The following TAPT1 variants were observed in gnomAD, a reference collection of about 807,000 sequenced individuals.
TAPT1 encodes transmembrane anterior posterior transformation protein 1 homolog.
Under a neutral mutation model 65.6 loss-of-function variants are expected in TAPT1, and 28 were observed. The observed-to-expected ratio is 0.43, with a 90% CI of 0.32 to 0.59. The LOEUF is 0.59. Among genes scored for constraint, TAPT1 ranks in the 20% least tolerant of loss-of-function variants. TAPT1 has a pLI of 0.09. For missense variants in TAPT1, 563 were observed against 679.9 expected (o/e 0.83, Z 1.91); for synonymous variants, 278 against 245.2 (o/e 1.13, Z -1.25).
At chr4:16,180,492 G>A (rs889096528) in intron 7 of TAPT1, among the ~76,000 whole-genome samples, 4 of 152,106 alleles carry the variant, frequency 2.6e-5, no homozygotes, top group African/African-American at 9.7e-5. Flanking sequence ...CTTTTTTACA[G>A]TCTGCTGTCA....
intron 2 of TAPT1, among the ~76,000 whole-genome samples, chr4:16,204,924 T>C (rs1251183196): frequency 6.6e-6 from 1 of 152,256 alleles, no homozygotes; most frequent in East Asian, 1.9e-4. Flanking sequence ...ACTTTAATGC[T>C]AAGGAAATTA....
At chr4:16,190,287 A>G (rs1578442559) in intron 4 of TAPT1, 1 of 152,102 alleles carries the variant, frequency 6.6e-6, no homozygotes, top group Non-Finnish European at 1.5e-5. Flanking sequence ...AGAAAGATAA[A>G]TAGACCTTAT....
Position 16,213,784 on chromosome 4 carries a change from G to A in TAPT1, c.314C>T (p.Pro105Leu). The change falls in exon 2 of 14, where the codon CCA becomes CTA. Residue 105 changes from proline (P) to leucine (L), a missense_variant. Physicochemically the swap from Pro to Leu is moderately conservative, Grantham distance 98. Coordinates refer to ENST00000405303, the MANE Select transcript of TAPT1 (RefSeq NM_153365.3). ...AAATAGTACCTTTTCCAATTCTCTTGGTATTCGCAAACAAGTGTATACTCT... is the reference window on the plus strand; with the variant it reads ...AAATAGTACCTTTTCCAATTCTCTTAGTATTCGCAAACAAGTGTATACTCT... The part of the protein sequence containing the change: ...RERVYTCLRI[P>L]RELEKLMVFG... 6.4e-7 allele frequency: 1 copy of A among 1,566,332 alleles called. No individual in the cohort carries two copies. The highest frequency in any genetic ancestry group is 8.6e-7 in the Non-Finnish European group (1 of 1,164,812).
chr4:16,183,165 G>A (rs115286210), intron 7 of TAPT1: 2 of 152,086 alleles, frequency 1.3e-5, no homozygotes, highest in African/African-American at 2.4e-5. Context: ...ATAGCTGAAC[G>A]TTGCCTAGAA....
At chr4:16,188,873 T>C (rs1749182431) in intron 4 of TAPT1, among the ~76,000 whole-genome samples, 3 of 150,930 alleles carry the variant, frequency 2.0e-5, no homozygotes, top group Admixed American at 2.0e-4. Context: ...TGAGCCGAGA[T>C]TGCGCCACTA....
chr4:16,193,612 T>G (rs1177369057), intron 3 of TAPT1, among the ~76,000 whole-genome samples: 4 of 152,210 alleles, frequency 2.6e-5, no homozygotes, highest in African/African-American at 7.2e-5. Context: ...CTATTATATC[T>G]GCCAAGAATT....
At chr4:16,183,967 C>T (rs181918168) in intron 7 of TAPT1, among the ~76,000 whole-genome samples, 1 of 152,260 alleles carries the variant, frequency 6.6e-6, no homozygotes, top group African/African-American at 2.4e-5. Context: ...TTGTTCCTTG[C>T]TTAGTTTTCA....
rs1751522373 is a variant in TAPT1 at position 16,225,934 on chromosome 4, TG to T, written c.199+324del. 8 of 989,186 alleles carry T rather than the reference TG, an allele frequency of 8.1e-6. No individual in the cohort carries two copies. In the Admixed American group the frequency reaches 4.9e-4, roughly 60 times the overall value. The allele number at this position is 989,186 out of a possible 1,614,324, so 61.3% of individuals were successfully genotyped here. On this transcript the variant is annotated intron_variant, in intron 1 of 13. Transcript: ENST00000405303. ...CTTCTCACGTTTGGGCTCCGAGACG[TG>T]GGAGATGCCCGCTAACCTAAGACCT...
intron 1 of TAPT1, among the ~76,000 whole-genome samples, chr4:16,220,525 T>G (rs562593340): frequency 2.2e-4 from 34 of 152,150 alleles, no homozygotes; most frequent in African/African-American, 7.5e-4. Context: ...CCAAGGCGGG[T>G]GGATCCCAAT....
chr4:16,214,135 C>A (rs948077645), intron 1 of TAPT1, among the ~76,000 whole-genome samples: 1 of 152,114 alleles, frequency 6.6e-6, no homozygotes, highest in African/African-American at 2.4e-5. Flanking sequence ...TTATTAAGGG[C>A]TAGAATAGTC....
chr4:16,185,557 C>T (rs996587545), intron 7 of TAPT1, among the ~76,000 whole-genome samples: 5 of 151,976 alleles, frequency 3.3e-5, no homozygotes, highest in Non-Finnish European at 7.4e-5. Flanking sequence ...TTAGTAGAGA[C>T]GGGGTTTTAC....
chr4:16,210,971 T>C (rs1051333712), intron 2 of TAPT1, among the ~76,000 whole-genome samples: 2 of 151,862 alleles, frequency 1.3e-5, no homozygotes, highest in Admixed American at 6.6e-5. Context: ...GTAAAATATA[T>C]AAGCAATTCA....
At chr4:16,186,912 C>T (rs757187031) in intron 5 of TAPT1, 34 bp from the exon 6 acceptor site, 16 of 1,302,196 alleles carry the variant, frequency 1.2e-5, no homozygotes, top group Non-Finnish European at 1.7e-5. Context: ...CTTAAATTTG[C>T]TTTCATATTA....
intron 4 of TAPT1, among the ~76,000 whole-genome samples, chr4:16,188,828 G>A (rs1368529391): frequency 6.6e-6 from 1 of 151,948 alleles, no homozygotes; most frequent in Non-Finnish European, 1.5e-5. Context: ...GCTGAGGCAG[G>A]AGAATGACGT....
At chr4:16,178,940 G>A (rs1456059988) in intron 8 of TAPT1, 2 of 152,128 alleles carry the variant, frequency 1.3e-5, no homozygotes, top group African/African-American at 4.8e-5. Context: ...GTTAAAAACC[G>A]AAAGGCTCAG....
intron 3 of TAPT1, among the ~76,000 whole-genome samples, chr4:16,199,755 C>T (rs1330633573): frequency 1.3e-5 from 2 of 152,198 alleles, no homozygotes; most frequent in South Asian, 4.2e-4. Flanking sequence ...CCACAACTGG[C>T]TAATTTTTTA....
intron 3 of TAPT1, among the ~76,000 whole-genome samples, chr4:16,195,989 G>T (rs1363748839): frequency 1.3e-5 from 2 of 152,162 alleles, no homozygotes; most frequent in Non-Finnish European, 2.9e-5. Context: ...ACATAGACTA[G>T]ATCTCTCGCT....
In TAPT1 at chr4:16,213,790, C is replaced by T. The variant is rs372007118; in HGVS notation, c.308G>A (p.Arg103Gln). Residue 103 changes from arginine to glutamine, a missense_variant, in exon 2 of 14, where the codon CGA becomes CAA. Arg to Gln is a conservative substitution (Grantham distance 43). Coordinates refer to ENST00000405303, the MANE Select transcript of TAPT1 (RefSeq NM_153365.3). ...TACCTTTTCCAATTCTCTTGGTATT[C>T]GCAAACAAGTGTATACTCTTTCTCT... ...ERRERVYTCL[R>Q]IPRELEKLMV... is the part of the protein sequence containing the mutation. The T allele has an allele frequency of 1.1e-5, 18 of 1,570,988 alleles. No individual in the cohort carries two copies. Among genetic ancestry groups the T allele is most frequent in the South Asian group, 4.8e-5 (4 of 83,426 alleles).
chr4:16,170,851 G>T, intron 11 of TAPT1, 122 bp from the exon 12 acceptor site: 1 of 669,230 alleles, frequency 1.5e-6, no homozygotes, highest in South Asian at 2.3e-5. Flanking sequence ...ATATATCTAT[G>T]GCCTTTGTCT....
Sources: allele counts gnomAD v4.1 joint callset (sites outside exome capture counted in the v4.1 genomes callset), GRCh38; gene constraint gnomAD v4.1.1; transcripts MANE v1.5; gene names NCBI Gene and HGNC (gene_info 2026-07-23, HGNC 2026-07-21).